The following CLMP variants were observed in gnomAD, a reference collection of about 807,000 sequenced individuals.
CLMP encodes CXADR-like membrane protein.
In CLMP, 27 loss-of-function variants were observed where a neutral mutation model predicts 45.2. That is an observed-to-expected ratio of 0.60 (90% CI 0.44 to 0.82). The LOEUF (loss-of-function observed/expected upper bound fraction) is 0.82. CLMP is among the 40% of genes least tolerant of loss of function. The pLI, the probability that CLMP is intolerant of heterozygous loss-of-function variation, is 0.00. For missense variants in CLMP, 403 were observed against 448.4 expected, an observed-to-expected ratio of 0.90 and a Z score of 0.91; for synonymous variants, 167 against 171.4, an observed-to-expected ratio of 0.97 and a Z score of 0.20.
intron 1 of CLMP, among the ~76,000 whole-genome samples, chr11:123,112,108 A>G (rs571616444): frequency 1.4e-3 from 217 of 152,258 alleles, no homozygotes; most frequent in African/African-American, 4.7e-3. Flanking sequence ...GGCAACGAGG[A>G]ACGGAACACG....
rs1861748255 is a variant in CLMP at position 123,179,986 on chromosome 11, G to A, written c.28+14927C>T. Reference sequence around the variant, plus strand: ...TCACCCTAGACTTAAATCAGAACTTGCATTTTTAAACAAGATCCCCAGGTA... The same window carrying A: ...TCACCCTAGACTTAAATCAGAACTTACATTTTTAAACAAGATCCCCAGGTA... On this transcript the variant is annotated intron_variant, in intron 1 of 6. Transcript: ENST00000448775. Among the ~76,000 whole-genome samples, 3 of 152,174 alleles carry A rather than the reference G, an allele frequency of 2.0e-5. No individual in the cohort carries two copies. The South Asian group carries it at 6.2e-4, about 32-fold the overall frequency.
intron 1 of CLMP, among the ~76,000 whole-genome samples, chr11:123,110,886 T>C (rs1321697739): frequency 6.6e-6 from 1 of 152,214 alleles, no homozygotes; most frequent in African/African-American, 2.4e-5. Context: ...TAGTGAGTTT[T>C]CCATTACTGG....
Position 123,089,793 on chromosome 11 carries a change from AGAAAAAG to A in CLMP, c.187-5087_187-5081del, listed in dbSNP as rs1436768346. Reference sequence around the variant, plus strand: ...CTCCATCTCAAAAAAAAAAAAAAAAAGAAAAAGAAAAAGAAACAAAACAAGGCTGGGC... The same window carrying A: ...CTCCATCTCAAAAAAAAAAAAAAAAAAAAAAGAAACAAAACAAGGCTGGGC... On this transcript the variant is annotated intron_variant, in intron 2 of 6. Coordinates refer to ENST00000448775, the MANE Select transcript of CLMP (RefSeq NM_024769.5). 0.016 allele frequency among the ~76,000 whole-genome samples: 1,639 copies of A among 101,874 alleles called. 100 individuals are homozygous for A. The East Asian group carries it at 0.21, about 13-fold the overall frequency. 66.8% of individuals were successfully genotyped at this position (101,874 alleles called of 152,430 possible).
chr11:123,144,637 T>C (rs2135519883), intron 1 of CLMP, among the ~76,000 whole-genome samples: 1 of 152,342 alleles, frequency 6.6e-6, no homozygotes, highest in South Asian at 2.1e-4. Context: ...CCCAAAGTGC[T>C]GGGATTACAG....
rs375187029 is a variant in CLMP at position 123,074,731 on chromosome 11, A to G, written c.792T>C (p.Tyr264=). ...TTTCATTAGGTCTCTCTTCTTCCTC[A>G]TATCTTTCTTTGTCTTTCCTTCGGA... The part of the protein sequence containing the change: ...LLIRRKDKER[Y]EEEERPNEIR... Residue 264 remains tyrosine (Y), a synonymous_variant, in exon 6 of 7, where the codon TAT becomes TAC. Transcript: ENST00000448775. 1.5e-5 allele frequency: 24 copies of G among 1,614,044 alleles called. No homozygotes were observed. The highest frequency in any genetic ancestry group is 1.9e-5 in the Non-Finnish European group (23 of 1,180,038).
chr11:123,171,960 T>C (rs751279546), intron 1 of CLMP, among the ~76,000 whole-genome samples: 1 of 152,188 alleles, frequency 6.6e-6, no homozygotes, highest in Non-Finnish European at 1.5e-5. Flanking sequence ...CCAGGCTGTT[T>C]TCTAAGCATT....
intron 1 of CLMP, among the ~76,000 whole-genome samples, chr11:123,171,523 G>A (rs1428357441): frequency 6.8e-6 from 1 of 147,932 alleles, no homozygotes; most frequent in Admixed American, 7.0e-5. Context: ...AGCTCACTGC[G>A]ACTTCCACCT....
intron 1 of CLMP, among the ~76,000 whole-genome samples, chr11:123,152,569 A>G (rs1365733089): frequency 6.6e-6 from 1 of 150,892 alleles, no homozygotes; most frequent in East Asian, 1.9e-4. Flanking sequence ...TAAATAAAAA[A>G]TAAATAAAAT....
rs1865698220 is a variant in CLMP at position 123,073,545 on chromosome 11, C to T, written c.1051G>A (p.Ala351Thr). 1.9e-6 allele frequency: 3 copies of T among 1,614,214 alleles called. No homozygotes were observed. The South Asian group carries it at 3.3e-5, about 18-fold the overall frequency. ...GTGGTTTCTGCTTTGGTCAGATTAG[C>T]ATGGTGGACTTTCTTTGGTTCAGAA... Reference protein sequence around the residue: ...RGSEPKKVHHANLTKAETTPS... With the variant: ...RGSEPKKVHHTNLTKAETTPS... The change falls in exon 7 of 7, where the codon GCT (alanine) becomes ACT (threonine). Residue 351 changes from alanine (A) to threonine (T), a missense_variant. Transcript: ENST00000448775.
intron 2 of CLMP, among the ~76,000 whole-genome samples, chr11:123,087,762 A>G (rs1194926086): frequency 6.6e-6 from 1 of 152,008 alleles, no homozygotes; most frequent in Non-Finnish European, 1.5e-5. Flanking sequence ...CAGAGGTTCC[A>G]GTGAGCCAAG....
chr11:123,194,819 G>T, intron 1 of CLMP, 94 bp downstream of exon 1: 3 of 1,500,274 alleles, frequency 2.0e-6, no homozygotes, highest in East Asian at 2.3e-5. Flanking sequence ...TCCAGGGGCT[G>T]CAGGGACACC....
chr11:123,142,862 A>C (rs1861183885), intron 1 of CLMP, among the ~76,000 whole-genome samples: 2 of 149,282 alleles, frequency 1.3e-5, no homozygotes, highest in African/African-American at 5.0e-5. Flanking sequence ...TCCTGACCTC[A>C]TGATCCACCC....
chr11:123,119,455 C>G (rs957185457), intron 1 of CLMP, among the ~76,000 whole-genome samples: 18 of 152,136 alleles, frequency 1.2e-4, no homozygotes, highest in Admixed American at 7.2e-4. Flanking sequence ...GGTGTGCTTA[C>G]AGGGGTAACG....
chr11:123,158,290 T>C (rs1443221149), intron 1 of CLMP, among the ~76,000 whole-genome samples: 1 of 152,208 alleles, frequency 6.6e-6, no homozygotes, highest in Non-Finnish European at 1.5e-5. Flanking sequence ...TTTTAATGAG[T>C]TATCCAGCTA....
intron 1 of CLMP, among the ~76,000 whole-genome samples, chr11:123,114,927 A>G (rs1389547825): frequency 6.6e-6 from 1 of 152,156 alleles, no homozygotes; most frequent in African/African-American, 2.4e-5. Flanking sequence ...TAACTCTAAG[A>G]CCTATACCCT....
At chr11:123,140,324 G>A in intron 1 of CLMP, among the ~76,000 whole-genome samples, 1 of 152,158 alleles carries the variant, frequency 6.6e-6, no homozygotes, top group Non-Finnish European at 1.5e-5. Flanking sequence ...AGGTAATTTT[G>A]TCGCGGTCTG....
Position 123,171,447 on chromosome 11 carries a change from C to CTTT in CLMP, c.28+23463_28+23465dup, listed in dbSNP as rs758162904. 5.9e-5 allele frequency among the ~76,000 whole-genome samples: 8 copies of CTTT among 136,470 alleles called. 1 individual carries two copies. The East Asian group carries it at 1.1e-3, about 18-fold the overall frequency. 89.5% of individuals were successfully genotyped at this position (136,470 alleles called of 152,430 possible). A position where few individuals can be genotyped will look rare whatever the true frequency, so the allele number is the denominator to read the frequency against. On this transcript the variant is annotated intron_variant, in intron 1 of 6. Transcript: ENST00000448775. Reference sequence around the variant, plus strand: ...TTTTTTTTTTCTTTTCTTTTCTTTTCTTTTTTTTTTTTTTGAGACGGAGTC... The same window carrying CTTT: ...TTTTTTTTTTCTTTTCTTTTCTTTTCTTTTTTTTTTTTTTTTTGAGACGGAGTC...
chr11:123,175,677 C>T (rs539129697), intron 1 of CLMP, among the ~76,000 whole-genome samples: 2 of 152,266 alleles, frequency 1.3e-5, no homozygotes, highest in South Asian at 4.1e-4. Context: ...TTAGCTTTGG[C>T]TCAATTATTA....
At chr11:123,074,225 A>G (rs1425316774) in intron 6 of CLMP, among the ~76,000 whole-genome samples, 1 of 141,404 alleles carries the variant, frequency 7.1e-6, no homozygotes, top group Non-Finnish European at 1.5e-5. Flanking sequence ...CCCAGGCTGG[A>G]GTACAGAGGT....
Sources: gnomAD v4.1 joint callset for allele counts (sites outside exome capture counted in the v4.1 genomes callset) on GRCh38, gnomAD v4.1.1 for gene constraint, MANE v1.5 for transcripts, NCBI Gene and HGNC (gene_info 2026-07-23, HGNC 2026-07-21) for gene names.